SYNE2: variants seen among roughly 807,000 people sequenced by gnomAD.
The protein encoded by SYNE2 is spectrin repeat containing nuclear envelope protein 2.
SYNE2 carries 431 observed loss-of-function variants against 856.3 expected under a neutral mutation model. The observed-to-expected ratio is 0.50, with a 90% CI of 0.47 to 0.55. The LOEUF is 0.55. Among genes scored for constraint, SYNE2 ranks in the 20% least tolerant of loss-of-function variants. SYNE2 has a pLI of 0.00. For synonymous variants in SYNE2, 2,923 were observed against 2,872.3 expected (o/e 1.02, Z -0.56); for missense variants, 8,129 against 8,023.2 (o/e 1.01, Z -0.50).
In SYNE2 at chr14:63,948,727, TATATGTGTATAG is replaced by T. The variant is rs1476608767; in HGVS notation, c.409-1089_409-1078del. Among the ~76,000 whole-genome samples, 107 of 91,076 alleles carry T rather than the reference TATATGTGTATAG, an allele frequency of 1.2e-3. 5 individuals carry two copies. Among genetic ancestry groups the T allele is most frequent in the African/African-American group, 3.3e-3 (103 of 30,996 alleles). 59.7% of individuals were successfully genotyped at this position (91,076 alleles called of 152,430 possible). On this transcript the variant is annotated intron_variant, in intron 6 of 115. Coordinates refer to ENST00000555002, the MANE Select transcript of SYNE2 (RefSeq NM_182914.3). ...ATATGTATATATATATGTGTGTATA[TATATGTGTATAG>T]ATATGTGTGTGTATATATATGTATA... is the stretch of plus-strand genomic sequence containing the variant.
At chr14:63,982,838 A>G (rs1229055523) in intron 17 of SYNE2, 44 bp downstream of exon 17, 6 of 1,585,288 alleles carry the variant, frequency 3.8e-6, no homozygotes, top group East Asian at 2.2e-5. Flanking sequence ...GATATGATTC[A>G]TGTACCACAC....
At chr14:64,163,169 A>G (rs576555861) in intron 88 of SYNE2, among the ~76,000 whole-genome samples, 1 of 152,356 alleles carries the variant, frequency 6.6e-6, no homozygotes, top group East Asian at 1.9e-4. Context: ...CCTCGACTCT[A>G]TTAGTCAGTG....
chr14:63,965,072 C>T (rs1015648153), intron 10 of SYNE2, among the ~76,000 whole-genome samples: 4 of 150,934 alleles, frequency 2.7e-5, no homozygotes, highest in South Asian at 2.1e-4. Context: ...AAGCAATTCT[C>T]ATGCCTCAGT....
At chr14:64,096,693 G>C (rs1310010074) in intron 61 of SYNE2, among the ~76,000 whole-genome samples, 1 of 152,218 alleles carries the variant, frequency 6.6e-6, no homozygotes, top group Non-Finnish European at 1.5e-5. Context: ...GTGCAGTACA[G>C]CCAGGAGAAA....
chr14:64,208,576 A>G (rs986150919), intron 100 of SYNE2, among the ~76,000 whole-genome samples, 182 bp from the exon 101 acceptor site: 4 of 152,220 alleles, frequency 2.6e-5, no homozygotes, highest in African/African-American at 9.7e-5. Context: ...AGGTGCTGAC[A>G]GCACAAGGGT....
chr14:64,105,551 C>G (rs979044012), intron 64 of SYNE2, among the ~76,000 whole-genome samples: 1 of 152,142 alleles, frequency 6.6e-6, no homozygotes, highest in Non-Finnish European at 1.5e-5. Flanking sequence ...TCAGAGAGTT[C>G]AGGTTAATTT....
intron 6 of SYNE2, among the ~76,000 whole-genome samples, chr14:63,948,776 G>GTATATATATATGTATATATATA (rs1239065048): frequency 3.8e-4 from 26 of 67,604 alleles, no homozygotes; most frequent in South Asian, 2.4e-3. Context: ...ATATGTATGT[G>GTATATATATATGTATATATATA]TGTGTGTATA....
chr14:63,879,548 C>T (rs1470955630), intron 1 of SYNE2, among the ~76,000 whole-genome samples: 1 of 152,180 alleles, frequency 6.6e-6, no homozygotes, highest in African/African-American at 2.4e-5. Flanking sequence ...ATGAAGGAAG[C>T]TGGGAGGGTG....
chr14:63,997,263 T>TA, intron 24 of SYNE2, 38 bp from the exon 25 acceptor site: 1 of 1,597,918 alleles, frequency 6.3e-7, no homozygotes, highest in South Asian at 1.1e-5. Flanking sequence ...TCATTTTTCT[T>TA]ACCCTCTTTT....
intron 73 of SYNE2, 145 bp downstream of exon 73, chr14:64,126,952 G>A (rs2097952220): frequency 9.7e-7 from 1 of 1,033,040 alleles, no homozygotes; most frequent in African/African-American, 1.6e-5. Flanking sequence ...GCTCATGGTT[G>A]GAGATCATTT....
intron 57 of SYNE2, among the ~76,000 whole-genome samples, chr14:64,082,316 G>A (rs1354891763): frequency 6.6e-6 from 1 of 152,074 alleles, no homozygotes; most frequent in Admixed American, 6.6e-5. Flanking sequence ...ATGATTATAA[G>A]GCTCTCTAAT....
chr14:64,080,555 T>A lies in SYNE2; in HGVS notation c.11263T>A (p.Trp3755Arg). The change falls in exon 56 of 116, where the codon TGG (tryptophan) becomes AGG (arginine). Residue 3755 changes from tryptophan to arginine, a missense_variant. Trp to Arg is a moderately radical substitution (Grantham distance 101). Coordinates refer to ENST00000555002, the MANE Select transcript of SYNE2 (RefSeq NM_182914.3). ...VEQDPGQAQE[W>R]MDNLMIPFQQ... ...ACAGGACCCAGGACAGGCTCAAGAA[T>A]GGATGGATAACTTGATGATTCCTTT... The A allele has an allele frequency of 1.9e-6, 3 of 1,614,182 alleles. No individual in the cohort carries two copies. In the South Asian group the frequency reaches 3.3e-5, roughly 18 times the overall value.
rs1424909596 is a variant in SYNE2, at chr14:64,146,237, C to T, written c.15639+14C>T. 3.1e-6 allele frequency: 5 copies of T among 1,599,278 alleles called. No homozygotes were observed. The highest frequency in any genetic ancestry group is 1.3e-5 in the African/African-American group (1 of 74,324). ...CTGGACTGTCAGGTGAGGAGGGGAA[C>T]AGCATCCCACCCAACCCGCGAGCTG... On this transcript the variant is annotated intron_variant, in intron 84 of 115. Transcript: ENST00000555002.
intron 45 of SYNE2, among the ~76,000 whole-genome samples, chr14:64,035,515 A>ATTT (rs35030710): frequency 0.089 from 10,821 of 121,530 alleles, 810 homozygotes; most frequent in African/African-American, 0.098. Context: ...TACATGGTAC[A>ATTT]TTTTTTTTTT....
At chr14:63,886,283 T>TAA (rs2140826124) in intron 1 of SYNE2, among the ~76,000 whole-genome samples, 2 of 152,296 alleles carry the variant, frequency 1.3e-5, no homozygotes, top group East Asian at 3.9e-4. Flanking sequence ...CAGGAAGATG[T>TAA]GTGCTTAGGT....
chr14:64,115,274 A>T (rs1307618778), intron 66 of SYNE2, among the ~76,000 whole-genome samples: 1 of 152,180 alleles, frequency 6.6e-6, no homozygotes, highest in Non-Finnish European at 1.5e-5. Flanking sequence ...TTATTTGGGC[A>T]GCATTTTGGC....
rs1293656807 is a variant in SYNE2, at chr14:63,954,623, T to C, written c.591-96T>C. 6 of 1,161,510 alleles carry C rather than the reference T, an allele frequency of 5.2e-6. No homozygotes were observed. In the African/African-American group the frequency reaches 7.7e-5, roughly 15 times the overall value. 72.0% of individuals were successfully genotyped at this position (1,161,510 alleles called of 1,614,324 possible). ...ATCTAGCATGATGTATCTAATTTAC[T>C]TGATTTGCCAAATTTTAATTACTAT... is the stretch of plus-strand genomic sequence containing the variant. On this transcript the variant is annotated intron_variant, in intron 7 of 115. Transcript: ENST00000555002.
intron 18 of SYNE2, 114 bp from the exon 19 acceptor site, chr14:63,986,339 ATCC>A: frequency 1.8e-6 from 2 of 1,083,358 alleles, no homozygotes. Flanking sequence ...GCCTCAAGCA[ATCC>A]TCCTGCCCTG....
intron 106 of SYNE2, 130 bp from the exon 107 acceptor site, chr14:64,215,156 A>G (rs2098660148): frequency 1.1e-6 from 1 of 912,240 alleles, no homozygotes; most frequent in Admixed American, 1.9e-5. Flanking sequence ...CTGGTTTTCA[A>G]AATCCTTTTA....
Sources: allele counts gnomAD v4.1 joint callset (sites outside exome capture counted in the v4.1 genomes callset), GRCh38; gene constraint gnomAD v4.1.1; transcripts MANE v1.5; gene names NCBI Gene and HGNC (gene_info 2026-07-23, HGNC 2026-07-21).